The following FBXO47 variants were observed in gnomAD, a reference collection of about 807,000 sequenced individuals.
FBXO47 encodes the protein F-box only protein 47.
FBXO47 carries 34 observed loss-of-function variants against 53.9 expected under a neutral mutation model. That is an observed-to-expected ratio of 0.63 (90% CI 0.48 to 0.84). The LOEUF is 0.84. Among genes scored for constraint, FBXO47 ranks in the 40% least tolerant of loss-of-function variants. The pLI, the probability that FBXO47 is intolerant of heterozygous loss-of-function variation, is 0.00. For synonymous variants in FBXO47, 165 were observed against 181.6 expected, an observed-to-expected ratio of 0.91 and a Z score of 0.73; for missense variants, 485 against 541.3, an observed-to-expected ratio of 0.90 and a Z score of 1.03.
rs1368780513 is a variant in FBXO47, at chr17:38,959,325, G to A, written c.353-2072C>T. Among the ~76,000 whole-genome samples, 3 of 152,078 alleles carry A rather than the reference G, an allele frequency of 2.0e-5. No homozygotes were observed. The East Asian group carries it at 5.8e-4, about 29-fold the overall frequency. On this transcript the variant is annotated intron_variant, in intron 3 of 10. Transcript: ENST00000378079. ...TGGCCGAGTACGGTGGCTCACTCCT[G>A]TAATCCCAGCACTTTGAGAGGCTGA...
intron 6 of FBXO47, among the ~76,000 whole-genome samples, chr17:38,950,259 T>C (rs1222532990): frequency 6.6e-6 from 1 of 152,024 alleles, no homozygotes; most frequent in Non-Finnish European, 1.5e-5. Context: ...CTCATGTAAG[T>C]AGAATCATGT....
intron 6 of FBXO47, among the ~76,000 whole-genome samples, chr17:38,950,655 G>A (rs1905227970): frequency 2.6e-5 from 4 of 151,880 alleles, no homozygotes; most frequent in Admixed American, 2.6e-4. Flanking sequence ...GTTTCTCAGA[G>A]GGAAACAGCT....
At position 38,942,816 on chromosome 17, in the gene FBXO47, T is replaced by C. The variant is rs745547252; in HGVS notation, c.1045A>G (p.Thr349Ala). 3.1e-6 allele frequency: 5 copies of C among 1,613,492 alleles called. No homozygotes were observed. In the African/African-American group the frequency reaches 5.3e-5, roughly 17 times the overall value. ...ACTACGAGCCTTGCCAGTTCAATGG[T>C]GCGTCCATTCACAGCTTTACTAGCC... ...FMASKAVNGRTIELARLVVFL... is the reference protein window; with the variant it reads ...FMASKAVNGRAIELARLVVFL... The change falls in exon 9 of 11, where the codon ACC (threonine) becomes GCC (alanine). Residue 349 changes from threonine (T) to alanine (A), a missense_variant. Physicochemically the swap from Thr to Ala is moderately conservative, Grantham distance 58. Coordinates refer to ENST00000378079, the MANE Select transcript of FBXO47 (RefSeq NM_001008777.3).
At chr17:38,941,052 T>A (rs1355280110) in intron 9 of FBXO47, among the ~76,000 whole-genome samples, 1 of 151,880 alleles carries the variant, frequency 6.6e-6, no homozygotes, top group Non-Finnish European at 1.5e-5. Flanking sequence ...TGGTGCTATC[T>A]TGGCTCACCA....
chr17:38,967,019 T>C (rs1906164556), intron 1 of FBXO47, among the ~76,000 whole-genome samples: 1 of 151,854 alleles, frequency 6.6e-6, no homozygotes, highest in Non-Finnish European at 1.5e-5. Flanking sequence ...CACAGGGATG[T>C]CTGTTTTAAC....
intron 1 of FBXO47, among the ~76,000 whole-genome samples, chr17:38,963,733 A>G (rs1905937992): frequency 1.3e-5 from 2 of 152,162 alleles, no homozygotes; most frequent in South Asian, 4.1e-4. Flanking sequence ...ATAATACTCA[A>G]ATAAGCAGTG....
intron 6 of FBXO47, among the ~76,000 whole-genome samples, chr17:38,948,236 CAG>C (rs1354234086): frequency 8.8e-6 from 1 of 113,264 alleles, no homozygotes; most frequent in African/African-American, 3.4e-5. Flanking sequence ...TTTTTTGAGA[CAG>C]AGTCTTGCTC....
intron 5 of FBXO47, among the ~76,000 whole-genome samples, chr17:38,952,366 T>A (rs539011003): frequency 6.6e-6 from 1 of 152,218 alleles, no homozygotes; most frequent in South Asian, 2.1e-4. Context: ...TACTGCCTTA[T>A]GAGTGTAACT....
At chr17:38,938,522 A>G in intron 10 of FBXO47, 51 bp downstream of exon 10, 1 of 1,363,254 alleles carries the variant, frequency 7.3e-7, no homozygotes, top group South Asian at 1.5e-5. Context: ...TTAGGTGGAG[A>G]CTAGAGCGCA....
At chr17:38,953,054 A>T (rs550026437) in intron 5 of FBXO47, among the ~76,000 whole-genome samples, 2 of 150,144 alleles carry the variant, frequency 1.3e-5, no homozygotes, top group African/African-American at 4.9e-5. Flanking sequence ...AGGCAAATGG[A>T]TCACTTGAGG....
At chr17:38,956,513 A>C (rs994513262) in intron 4 of FBXO47, among the ~76,000 whole-genome samples, 1 of 150,446 alleles carries the variant, frequency 6.6e-6, no homozygotes, top group Non-Finnish European at 1.5e-5. Context: ...GCTTGAACCC[A>C]GGAGGTGGAG....
intron 4 of FBXO47, among the ~76,000 whole-genome samples, chr17:38,955,863 CAGG>C (rs998484793): frequency 2.8e-4 from 41 of 145,408 alleles, no homozygotes; most frequent in African/African-American, 1.0e-3. Flanking sequence ...AAGGCTGAGG[CAGG>C]AGAATTGCTT....
At chr17:38,960,396 G>A (rs1169578401) in intron 3 of FBXO47, among the ~76,000 whole-genome samples, 1 of 151,976 alleles carries the variant, frequency 6.6e-6, no homozygotes, top group Non-Finnish European at 1.5e-5. Flanking sequence ...TAAATAGAAA[G>A]TTGAAATCCT....
At position 38,953,635 on chromosome 17, in the gene FBXO47, A is replaced by T. The variant is rs561014342; in HGVS notation, c.507+1221T>A. The stretch of plus-strand genomic sequence containing the variant: ...GTGAGACTCTGCCTCAAAAATAAAT[A>T]AATTAATTAATTAATAAAAACTAAT... On this transcript the variant is annotated intron_variant, in intron 5 of 10. Coordinates refer to ENST00000378079, the MANE Select transcript of FBXO47 (RefSeq NM_001008777.3). 1.5e-3 allele frequency among the ~76,000 whole-genome samples: 230 copies of T among 152,234 alleles called. 1 individual carries two copies. In the Middle Eastern group the frequency reaches 0.017, roughly 11 times the overall value.
At chr17:38,956,998 C>G (rs1905586155) in intron 4 of FBXO47, among the ~76,000 whole-genome samples, 179 bp downstream of exon 4, 1 of 152,066 alleles carries the variant, frequency 6.6e-6, no homozygotes, top group African/African-American at 2.4e-5. Flanking sequence ...TGAAAGATTA[C>G]TACATTTTGA....
In FBXO47 at chr17:38,967,364, G is replaced by C. The variant is rs879616530; in HGVS notation, c.-162C>G. 1 of 152,146 alleles carries C rather than the reference G, an allele frequency of 6.6e-6. No homozygotes were observed. The highest frequency in any genetic ancestry group is 6.6e-5 in the Admixed American group (1 of 15,256). The allele number at this position is 152,146 out of a possible 1,614,324, so 9.4% of individuals were successfully genotyped here. Reference sequence around the variant, plus strand: ...AAGAGCTTCCCGCCAGGAGGCGAGAGGGTCACACTCCCGTAGGCTCCGGAG... The same window carrying C: ...AAGAGCTTCCCGCCAGGAGGCGAGACGGTCACACTCCCGTAGGCTCCGGAG... On this transcript the variant is annotated 5_prime_UTR_variant, in exon 1 of 11. Coordinates refer to ENST00000378079, the MANE Select transcript of FBXO47 (RefSeq NM_001008777.3).
At chr17:38,946,120 A>AT (rs1491525934) in intron 6 of FBXO47, among the ~76,000 whole-genome samples, 52 of 125,590 alleles carry the variant, frequency 4.1e-4, no homozygotes, top group African/African-American at 1.4e-3. Context: ...ATACATAAAT[A>AT]AATATATATA....
chr17:38,949,601 T>G (rs1359696966), intron 6 of FBXO47, among the ~76,000 whole-genome samples: 2 of 152,212 alleles, frequency 1.3e-5, no homozygotes, highest in Non-Finnish European at 2.9e-5. Context: ...CAGACTATTT[T>G]GCAAACTGAC....
chr17:38,946,934 AT>A (rs1039911292), intron 6 of FBXO47, among the ~76,000 whole-genome samples: 31 of 123,882 alleles, frequency 2.5e-4, no homozygotes, highest in Non-Finnish European at 3.6e-4. Flanking sequence ...AAACATATAA[AT>A]ATATATAAAC....
Sources: gnomAD v4.1 joint callset for allele counts (sites outside exome capture counted in the v4.1 genomes callset) on GRCh38, gnomAD v4.1.1 for gene constraint, MANE v1.5 for transcripts, NCBI Gene and HGNC (gene_info 2026-07-23, HGNC 2026-07-21) for gene names.